Variants in ZNF568 observed in about 807,000 individuals in gnomAD.
ZNF568 encodes p53 inhibitor of SCO2 activation.
ZNF568 carries 11 observed loss-of-function variants against 18.1 expected under a neutral mutation model. The ratio of observed to expected loss-of-function variants is 0.61; its 90% CI spans 0.38 to 1.00. ZNF568 has a LOEUF of 1.00. Ranked by LOEUF, ZNF568 falls within the 50% of genes least tolerant of loss-of-function variation. The probability of loss-of-function intolerance (pLI) is 0.01; values close to 1 mark genes in which losing one functional copy is unlikely to be tolerated. For missense variants in ZNF568, 639 were observed against 768.2 expected, an observed-to-expected ratio of 0.83 and a Z score of 1.99; for synonymous variants, 213 against 246.6, an observed-to-expected ratio of 0.86 and a Z score of 1.28.
At chr19:36,920,425 C>A (rs987028799) in intron 2 of ZNF568, among the ~76,000 whole-genome samples, 21 of 151,790 alleles carry the variant, frequency 1.4e-4, no homozygotes, top group African/African-American at 4.8e-4. Context: ...GAGTTAGAGA[C>A]CAGGCTGACC....
At position 36,950,284 on chromosome 19, in the gene ZNF568, T is replaced by C; in HGVS notation, c.1131T>C (p.Val377=). The change falls in exon 7 of 7, where the codon GTT becomes GTC. Residue 377 remains valine, a synonymous_variant. Coordinates refer to ENST00000333987, the MANE Select transcript of ZNF568 (RefSeq NM_198539.4). The part of the protein sequence containing the change: ...CGRAFSRMSS[V]TLHMRSHTGE... ...GAGCTTTTTCTCGAATGTCATCTGT[T>C]ACGCTACATATGAGAAGTCACACAG... 1 of 1,614,058 alleles carries C rather than the reference T, an allele frequency of 6.2e-7. No individual in the cohort carries two copies. Among genetic ancestry groups the C allele is most frequent in the Non-Finnish European group, 8.5e-7 (1 of 1,179,996 alleles).
chr19:36,990,193 A>G (rs2074411476), intron 2 of ZNF568, among the ~76,000 whole-genome samples: 1 of 152,162 alleles, frequency 6.6e-6, no homozygotes, highest in African/African-American at 2.4e-5. Flanking sequence ...CTTGTGTAGT[A>G]TGTGCGCACC....
Position 36,916,342 on chromosome 19 carries a change from G to A in ZNF568, c.-505G>A, listed in dbSNP as rs548997533. The A allele has an allele frequency of 1.1e-3, 187 of 167,902 alleles. No individual in the cohort carries two copies. Among genetic ancestry groups the A allele is most frequent in the African/African-American group, 4.4e-3 (185 of 42,264 alleles). The allele number at this position is 167,902 out of a possible 1,614,324, so 10.4% of individuals were successfully genotyped here. The stretch of plus-strand genomic sequence containing the variant: ...GGCCTGCTGGGAGGTGTTGTCCTCG[G>A]AAACGTCGCTGGCGCGGAGGGATGG... On this transcript the variant is annotated 5_prime_UTR_variant, in exon 1 of 7. Coordinates refer to ENST00000333987, the MANE Select transcript of ZNF568 (RefSeq NM_198539.4). This position sits in a 1 kb window ranked among gnomAD's most constrained non-coding sequence, Gnocchi z 5.3.
intron 5 of ZNF568, 73 bp from the exon 6 acceptor site, chr19:36,937,074 T>G: frequency 6.6e-7 from 1 of 1,504,010 alleles, no homozygotes; most frequent in East Asian, 2.3e-5. Context: ...GCCCTCAAGC[T>G]TGGACTTAGC....
chr19:36,985,200 C>T (rs965023773), intron 2 of ZNF568, among the ~76,000 whole-genome samples: 1 of 152,062 alleles, frequency 6.6e-6, no homozygotes, highest in Admixed American at 6.5e-5. Context: ...TTATTCCAGC[C>T]ATTGTATGAT....
downstream of ZNF568, among the ~76,000 whole-genome samples, chr19:36,957,389 G>A (rs144590069): frequency 1.1e-3 from 160 of 152,138 alleles, 2 homozygotes; most frequent in East Asian, 0.029. Flanking sequence ...CTGCCACCAT[G>A]GCTGGCTAAC....
intron 4 of ZNF568, among the ~76,000 whole-genome samples, chr19:36,992,242 C>CAA (rs66941480): frequency 3.4e-5 from 4 of 118,196 alleles, no homozygotes; most frequent in Non-Finnish European, 5.3e-5. Flanking sequence ...GACTCCGTCT[C>CAA]AAAAAAAAAA....
downstream of ZNF568, among the ~76,000 whole-genome samples, chr19:36,983,558 T>C (rs527904410): frequency 3.9e-5 from 6 of 152,332 alleles, no homozygotes; most frequent in African/African-American, 1.4e-4. Flanking sequence ...GAATGTTATT[T>C]GAATTGAGTG....
chr19:36,951,958 A>C lies in ZNF568; in HGVS notation c.*870A>C. On this transcript the variant is annotated 3_prime_UTR_variant, in exon 7 of 7. Coordinates refer to ENST00000333987, the MANE Select transcript of ZNF568 (RefSeq NM_198539.4). ...AAAATTAACATTCTAAAGGATTTAA[A>C]TACTGGAATTTGAAAAGCCAAACTG... 1 of 983,662 alleles carries C rather than the reference A, an allele frequency of 1.0e-6. No individual in the cohort carries two copies. Among genetic ancestry groups the C allele is most frequent in the South Asian group, 4.7e-5 (1 of 21,212 alleles). 60.9% of individuals were successfully genotyped at this position (983,662 alleles called of 1,614,324 possible). A position where few individuals can be genotyped will look rare whatever the true frequency, so the allele number is the denominator to read the frequency against.
chr19:36,917,704 C>G (rs1360641105), intron 2 of ZNF568, 56 bp downstream of exon 2: 3 of 152,180 alleles, frequency 2.0e-5, no homozygotes, highest in African/African-American at 7.2e-5. Flanking sequence ...GTTTTATTTT[C>G]TATTACGCCT....
intron 3 of ZNF568, chr19:36,991,444 A>G: frequency 1.7e-6 from 2 of 1,165,130 alleles, no homozygotes; most frequent in Non-Finnish European, 2.3e-6. Flanking sequence ...CACCAAAAGA[A>G]TGGTTTGTCT....
intron 3 of ZNF568, chr19:36,991,696 T>G: frequency 7.1e-7 from 1 of 1,416,476 alleles, no homozygotes; most frequent in Non-Finnish European, 9.5e-7. Flanking sequence ...AATTAGGGAC[T>G]GATTTTTAAT....
intron 6 of ZNF568, among the ~76,000 whole-genome samples, chr19:36,970,125 A>G (rs966018180): frequency 8.0e-6 from 1 of 124,644 alleles, no homozygotes; most frequent in African/African-American, 3.2e-5. Flanking sequence ...TGTAAGATAT[A>G]TTCACAGGTT....
At chr19:36,929,917 C>A (rs1328572491) in intron 4 of ZNF568, among the ~76,000 whole-genome samples, 3 of 146,024 alleles carry the variant, frequency 2.1e-5, no homozygotes, top group Non-Finnish European at 4.5e-5. Context: ...ATATTATTGC[C>A]TCTTGCCAGG....
intron 6 of ZNF568, among the ~76,000 whole-genome samples, chr19:36,948,508 G>C (rs1476107809): frequency 6.6e-6 from 1 of 152,146 alleles, no homozygotes; most frequent in African/African-American, 2.4e-5. Context: ...TATGGTAATA[G>C]TATGGCTAAT....
At chr19:36,960,953 T>C (rs1467954874) in intron 6 of ZNF568, among the ~76,000 whole-genome samples, 1 of 152,200 alleles carries the variant, frequency 6.6e-6, no homozygotes, top group Admixed American at 6.5e-5. Flanking sequence ...TGGCCTATTA[T>C]GGAGAATGTT....
chr19:36,971,160 G>C (rs2074232503), intron 6 of ZNF568, among the ~76,000 whole-genome samples: 1 of 151,892 alleles, frequency 6.6e-6, no homozygotes, highest in African/African-American at 2.4e-5. Context: ...TTGAACCCGG[G>C]AGGCAGAGGT....
intron 4 of ZNF568, among the ~76,000 whole-genome samples, chr19:36,936,136 G>A (rs1268153056): frequency 1.3e-5 from 2 of 151,782 alleles, no homozygotes; most frequent in Non-Finnish European, 2.9e-5. Flanking sequence ...GTTGCTCTAG[G>A]ACTTGGATAC....
Position 36,997,013 on chromosome 19 carries a change from A to G in ZNF568, c.926A>G (p.His309Arg), listed in dbSNP as rs1179589368. The G allele has an allele frequency of 1.9e-6, 3 of 1,556,588 alleles. No homozygotes were observed. In the East Asian group the frequency reaches 7.1e-5, roughly 37 times the overall value. ...ACCCGTCCCTCACACCTTTTTCGAC[A>G]TCAAAGAATCCATACGGGTGAGAAA... Residue 309 changes from histidine to arginine, a missense_variant, in exon 5 of 5, where the codon CAT becomes CGT. Transcript: ENST00000433993.
Sources: gnomAD v4.1 joint callset for allele counts (sites outside exome capture counted in the v4.1 genomes callset) on GRCh38, gnomAD v4.1.1 for gene constraint, Gnocchi (gnomAD v3.1) non-coding constraint, MANE v1.5 for transcripts, NCBI Gene and HGNC (gene_info 2026-07-23, HGNC 2026-07-21) for gene names.